TWSG1: variants seen among roughly 807,000 people sequenced by gnomAD.
TWSG1 encodes the protein twisted gastrulation BMP signaling modulator 1.
In TWSG1, 15 loss-of-function variants were observed where a neutral mutation model predicts 23.0. The observed-to-expected ratio is 0.65, with a 90% confidence interval of 0.44 to 1.00. The LOEUF (loss-of-function observed/expected upper bound fraction) is 1.00, where lower values mean the gene tolerates loss of function less well. Among genes scored for constraint, TWSG1 ranks in the 50% least tolerant of loss-of-function variants. The pLI is 0.00. For synonymous variants in TWSG1, 86 were observed against 92.8 expected, an observed-to-expected ratio of 0.93 and a Z score of 0.42; for missense variants, 242 against 278.7, an observed-to-expected ratio of 0.87 and a Z score of 0.94.
At chr18:9,345,921 T>C (rs115600254) in intron 2 of TWSG1, among the ~76,000 whole-genome samples, 5 of 152,324 alleles carry the variant, frequency 3.3e-5, no homozygotes, top group African/African-American at 9.6e-5. Context: ...CAGTTTCTTC[T>C]ATTATTAACA....
chr18:9,380,194 G>A (rs1337407348), intron 3 of TWSG1, among the ~76,000 whole-genome samples: 4 of 152,106 alleles, frequency 2.6e-5, no homozygotes, highest in Non-Finnish European at 5.9e-5. Flanking sequence ...CTTGTATGTG[G>A]CAAGCACTCT....
intron 2 of TWSG1, among the ~76,000 whole-genome samples, chr18:9,350,337 A>AT (rs1169374361): frequency 1.3e-5 from 2 of 152,208 alleles, no homozygotes; most frequent in Non-Finnish European, 2.9e-5. Context: ...ATTAAAATTT[A>AT]TTTTCACTAG....
rs1324957413 is a variant in TWSG1, at chr18:9,402,291, T to C, written c.*2764T>C. 2.0e-5 allele frequency: 3 copies of C among 152,234 alleles called. No individual in the cohort carries two copies. Among genetic ancestry groups the C allele is most frequent in the Non-Finnish European group, 4.4e-5 (3 of 68,032 alleles). The allele number at this position is 152,234 out of a possible 1,614,324, so 9.4% of individuals were successfully genotyped here. On this transcript the variant is annotated 3_prime_UTR_variant, in exon 5 of 5. Transcript: ENST00000262120. The stretch of plus-strand genomic sequence containing the variant: ...TTTATGAAAGCTTCTTTTAAGATTT[T>C]GAAATCTATTCTGCATTCCCAAGAG...
chr18:9,362,487 C>T (rs761858997), intron 3 of TWSG1, among the ~76,000 whole-genome samples: 62 of 152,196 alleles, frequency 4.1e-4, no homozygotes, highest in Non-Finnish European at 8.2e-4. Context: ...GGATTACAGG[C>T]GTGAGCCAAT....
chr18:9,396,264 A>G lies in TWSG1; in HGVS notation c.224-16A>G. 1.9e-6 allele frequency: 3 copies of G among 1,611,022 alleles called. No individual in the cohort carries two copies. Among genetic ancestry groups the G allele is most frequent in the Non-Finnish European group, 2.5e-6 (3 of 1,177,824 alleles). On this transcript the variant is annotated splice_polypyrimidine_tract_variant and intron_variant, in intron 3 of 4. Coordinates refer to ENST00000262120, the MANE Select transcript of TWSG1 (RefSeq NM_020648.6). ...GCAGTAACTAACAAAATCTTATGAT[A>G]TTACCCCCAACCCAGGTATGTGTAA...
chr18:9,391,343 A>G (rs2040711735), intron 3 of TWSG1, among the ~76,000 whole-genome samples: 2 of 152,204 alleles, frequency 1.3e-5, no homozygotes, highest in African/African-American at 4.8e-5. Flanking sequence ...TGAATGTTGT[A>G]CTCAACGTCT....
chr18:9,397,925 G>T (rs1325611244), intron 4 of TWSG1, among the ~76,000 whole-genome samples: 2 of 147,596 alleles, frequency 1.4e-5, no homozygotes, highest in African/African-American at 5.0e-5. Context: ...AACTGCTTGA[G>T]CCTGGGAGGT....
At chr18:9,363,551 C>T (rs1369340942) in intron 3 of TWSG1, among the ~76,000 whole-genome samples, 1 of 152,106 alleles carries the variant, frequency 6.6e-6, no homozygotes, top group East Asian at 1.9e-4. Context: ...AGTTATACAT[C>T]TCAAAAAAAG....
intron 2 of TWSG1, among the ~76,000 whole-genome samples, chr18:9,340,692 G>T (rs916860753): frequency 6.6e-6 from 1 of 152,138 alleles, no homozygotes; most frequent in Non-Finnish European, 1.5e-5. Flanking sequence ...TTAGCAAGGC[G>T]GCTTGAAGGT....
At chr18:9,381,309 T>A (rs559892299) in intron 3 of TWSG1, among the ~76,000 whole-genome samples, 1 of 152,326 alleles carries the variant, frequency 6.6e-6, no homozygotes, top group African/African-American at 2.4e-5. Flanking sequence ...TTTTTTTGAA[T>A]CTCAGGACCC....
intron 2 of TWSG1, among the ~76,000 whole-genome samples, chr18:9,338,136 A>G (rs1436763273): frequency 6.6e-6 from 1 of 152,248 alleles, no homozygotes; most frequent in African/African-American, 2.4e-5. Flanking sequence ...AGTATGAGTC[A>G]GCTAACATGA....
chr18:9,352,571 T>G (rs7234762), intron 2 of TWSG1, among the ~76,000 whole-genome samples: 101,278 of 151,942 alleles, frequency 0.67, 34,232 homozygotes, highest in Middle Eastern at 0.75. Flanking sequence ...GACTCAGGGT[T>G]GCAAACAGCT....
intron 2 of TWSG1, among the ~76,000 whole-genome samples, chr18:9,347,152 GC>G (rs757505653): frequency 3.9e-4 from 59 of 152,232 alleles, no homozygotes; most frequent in Non-Finnish European, 8.1e-4. Flanking sequence ...AGAATCTCTG[GC>G]CCATTTTTTA....
At chr18:9,381,854 CT>C (rs2040657676) in intron 3 of TWSG1, among the ~76,000 whole-genome samples, 1 of 114,004 alleles carries the variant, frequency 8.8e-6, no homozygotes, top group African/African-American at 2.7e-5. Context: ...TTTACCTGAG[CT>C]TTACACACCC....
chr18:9,373,291 G>T (rs1250482506), intron 3 of TWSG1, among the ~76,000 whole-genome samples: 1 of 152,172 alleles, frequency 6.6e-6, no homozygotes, highest in African/African-American at 2.4e-5. Flanking sequence ...CACTTTGGGA[G>T]GCTGAGGCAG....
At chr18:9,390,250 C>A (rs1274768995) in intron 3 of TWSG1, among the ~76,000 whole-genome samples, 1 of 151,994 alleles carries the variant, frequency 6.6e-6, no homozygotes, top group Non-Finnish European at 1.5e-5. Flanking sequence ...AACCTCCGCC[C>A]CTCCAGGTTC....
At chr18:9,358,229 G>A (rs72941910) in intron 2 of TWSG1, among the ~76,000 whole-genome samples, 5,683 of 151,934 alleles carry the variant, frequency 0.037, 180 homozygotes, top group Non-Finnish European at 0.054. Context: ...CTTATCTTTG[G>A]AAAGTAGGAA....
At chr18:9,371,770 TTC>T (rs1224957643) in intron 3 of TWSG1, among the ~76,000 whole-genome samples, 7 of 92,272 alleles carry the variant, frequency 7.6e-5, no homozygotes, top group Non-Finnish European at 1.1e-4. Context: ...AACATTTTTA[TTC>T]TTTTTTTTTT....
At chr18:9,354,419 C>G (rs947509566) in intron 2 of TWSG1, among the ~76,000 whole-genome samples, 5 of 152,126 alleles carry the variant, frequency 3.3e-5, no homozygotes, top group Admixed American at 6.6e-5. Flanking sequence ...ATCACATGTT[C>G]CATTCAACTG....
Sources: allele counts gnomAD v4.1 joint callset (sites outside exome capture counted in the v4.1 genomes callset), GRCh38; gene constraint gnomAD v4.1.1; transcripts MANE v1.5; gene names NCBI Gene and HGNC (gene_info 2026-07-23, HGNC 2026-07-21).